SLC13A3: variants seen among roughly 807,000 people sequenced by gnomAD.
SLC13A3 encodes solute carrier family 13 member 3, also known as Na(+)/dicarboxylate cotransporter 3.
SLC13A3 carries 40 observed loss-of-function variants against 59.0 expected under a neutral mutation model. The observed-to-expected ratio is 0.68, with a 90% CI of 0.53 to 0.88. SLC13A3 has a LOEUF of 0.88. SLC13A3 is among the 40% of genes least tolerant of loss of function. The probability of loss-of-function intolerance (pLI) is 0.00; values close to 1 mark genes in which losing one functional copy is unlikely to be tolerated. For synonymous variants in SLC13A3, 317 were observed against 330.3 expected (o/e 0.96, Z 0.44); for missense variants, 699 against 783.2 (o/e 0.89, Z 1.28).
chr20:46,652,416 T>C (rs1204798690), upstream of SLC13A3, among the ~76,000 whole-genome samples: 1 of 152,050 alleles, frequency 6.6e-6, no homozygotes, highest in African/African-American at 2.4e-5. Flanking sequence ...TGAGATGTAG[T>C]CTCACTCTGT....
chr20:46,677,777 T>C (rs755934926), intron 1 of SLC13A3, among the ~76,000 whole-genome samples: 8 of 152,086 alleles, frequency 5.3e-5, no homozygotes, highest in Non-Finnish European at 7.4e-5. Context: ...ACCAGCGTGA[T>C]GACAAACAGT....
rs916700444 is a variant in SLC13A3, at chr20:46,580,399, T to C, written c.1219+3173A>G. On this transcript the variant is annotated intron_variant, in intron 9 of 12. Transcript: ENST00000279027. The stretch of plus-strand genomic sequence containing the variant: ...ACATATTCCTGTACCCAATCTGCTG[T>C]ATACAAATGTTACCTTCCATCTGGA... Among the ~76,000 whole-genome samples, 7 of 151,476 alleles carry C rather than the reference T, an allele frequency of 4.6e-5. No homozygotes were observed. The East Asian group carries it at 1.4e-3, about 29-fold the overall frequency.
In SLC13A3 at chr20:46,596,462, C is replaced by T. The variant is rs2062314199; in HGVS notation, c.609-120G>A. The T allele has an allele frequency of 7.3e-6, 6 of 827,582 alleles. No homozygotes were observed. The East Asian group carries it at 1.5e-4, about 20-fold the overall frequency. The allele number at this position is 827,582 out of a possible 1,614,324, so 51.3% of individuals were successfully genotyped here. A position where few individuals can be genotyped will look rare whatever the true frequency, so the allele number is the denominator to read the frequency against. On this transcript the variant is annotated intron_variant, in intron 4 of 12. Transcript: ENST00000279027. ...GTAATTTGGCACAGGTATCAAAAACCCGTAACAAGGTGCAACTCTTCAGCT... is the reference window on the plus strand; with the variant it reads ...GTAATTTGGCACAGGTATCAAAAACTCGTAACAAGGTGCAACTCTTCAGCT...
At chr20:46,644,988 T>C in intron 1 of SLC13A3, among the ~76,000 whole-genome samples, 1 of 152,210 alleles carries the variant, frequency 6.6e-6, no homozygotes, top group East Asian at 1.9e-4. Context: ...TTTTAGAGTT[T>C]TGGAGGCCAG....
intron 6 of SLC13A3, among the ~76,000 whole-genome samples, chr20:46,591,212 C>G (rs1483821160): frequency 6.6e-6 from 1 of 150,902 alleles, no homozygotes; most frequent in Non-Finnish European, 1.5e-5. Flanking sequence ...AAACAAAAAT[C>G]TGTCACGGAG....
At chr20:46,683,237 A>T (rs575068366) in intron 1 of SLC13A3, among the ~76,000 whole-genome samples, 59 of 152,298 alleles carry the variant, frequency 3.9e-4, no homozygotes, top group African/African-American at 1.4e-3. Context: ...CAGCCCCAGA[A>T]ATCATTTCTT....
intron 11 of SLC13A3, 81 bp from the exon 12 acceptor site, chr20:46,563,632 G>GA: frequency 6.9e-6 from 10 of 1,455,346 alleles, no homozygotes; most frequent in Non-Finnish European, 8.4e-6. Context: ...GAGAGAGAGA[G>GA]GCAGTTGGAA....
upstream of SLC13A3, among the ~76,000 whole-genome samples, chr20:46,670,471 G>A (rs1298816260): frequency 6.6e-6 from 1 of 152,168 alleles, no homozygotes; most frequent in African/African-American, 2.4e-5. Flanking sequence ...TGGCCAATGG[G>A]ACATCAGCAA....
intron 9 of SLC13A3, among the ~76,000 whole-genome samples, chr20:46,578,544 TG>T (rs1261413715): frequency 2.6e-5 from 4 of 151,792 alleles, no homozygotes; most frequent in Non-Finnish European, 5.9e-5. Context: ...GGCATGGTGG[TG>T]GGTGCCTATA....
intron 8 of SLC13A3, chr20:46,583,947 G>T (rs1323508731): frequency 1.0e-6 from 1 of 985,236 alleles, no homozygotes; most frequent in African/African-American, 1.7e-5. Flanking sequence ...ACCAAAGAGG[G>T]GAGAATCCGA....
At chr20:46,560,950 C>T (rs1230645644) in intron 12 of SLC13A3, among the ~76,000 whole-genome samples, 1 of 152,180 alleles carries the variant, frequency 6.6e-6, no homozygotes, top group Non-Finnish European at 1.5e-5. Context: ...CTGTCTATTC[C>T]TCCCAGAGAA....
intron 6 of SLC13A3, among the ~76,000 whole-genome samples, chr20:46,589,782 A>T (rs894137487): frequency 6.6e-6 from 1 of 152,220 alleles, no homozygotes; most frequent in African/African-American, 2.4e-5. Flanking sequence ...GTGCTAGGAA[A>T]ACTGGACAGC....
chr20:46,580,536 G>A (rs147289853), intron 9 of SLC13A3, among the ~76,000 whole-genome samples: 31 of 151,552 alleles, frequency 2.0e-4, no homozygotes, highest in African/African-American at 6.8e-4. Flanking sequence ...CTCCTTGTAG[G>A]CAGTTGAGTT....
chr20:46,600,186 A>G (rs1039727103), intron 3 of SLC13A3, 149 bp from the exon 4 acceptor site: 7 of 183,060 alleles, frequency 3.8e-5, no homozygotes, highest in African/African-American at 1.7e-4. Flanking sequence ...GAGAGAGAGG[A>G]AGAGAGGGAG....
chr20:46,580,862 A>AT (rs1381786681), intron 9 of SLC13A3, among the ~76,000 whole-genome samples: 2 of 152,254 alleles, frequency 1.3e-5, no homozygotes, highest in Non-Finnish European at 2.9e-5. Flanking sequence ...TACCATTGCC[A>AT]TGGCAACACC....
chr20:46,590,627 A>G (rs1336777647), intron 6 of SLC13A3, among the ~76,000 whole-genome samples: 1 of 152,300 alleles, frequency 6.6e-6, no homozygotes, highest in East Asian at 1.9e-4. Flanking sequence ...AACACAAGTT[A>G]TTTTTCTCTT....
At chr20:46,660,401 T>A (rs949044886) in intron 1 of SLC13A3, among the ~76,000 whole-genome samples, 19 of 152,196 alleles carry the variant, frequency 1.2e-4, no homozygotes, top group African/African-American at 4.3e-4. Flanking sequence ...TACTTAAAGA[T>A]CTCATTCCAT....
At chr20:46,650,844 T>C (rs990676388) in intron 1 of SLC13A3, among the ~76,000 whole-genome samples, 3 of 152,026 alleles carry the variant, frequency 2.0e-5, no homozygotes, top group Non-Finnish European at 2.9e-5. Flanking sequence ...GTGGGAGAAT[T>C]GCTTGAGTCC....
intron 1 of SLC13A3, among the ~76,000 whole-genome samples, chr20:46,635,793 T>C (rs1181718169): frequency 2.6e-5 from 4 of 152,122 alleles, no homozygotes; most frequent in African/African-American, 9.7e-5. Flanking sequence ...AAAGATCCAA[T>C]TCATGAAACA....
Sources: allele counts gnomAD v4.1 joint callset (sites outside exome capture counted in the v4.1 genomes callset), GRCh38; gene constraint gnomAD v4.1.1; transcripts MANE v1.5; gene names NCBI Gene and HGNC (gene_info 2026-07-23, HGNC 2026-07-21).